The following TBC1D23 variants were observed in gnomAD, a reference collection of about 807,000 sequenced individuals.
TBC1D23 encodes the protein TBC1 domain family member 23.
A neutral mutation model predicts 91.4 loss-of-function variants in TBC1D23; 55 were observed. That is an observed-to-expected ratio of 0.60 (90% CI 0.48 to 0.75). The LOEUF (loss-of-function observed/expected upper bound fraction) is 0.75. TBC1D23 is among the 30% of genes least tolerant of loss of function. The pLI is 0.00. For synonymous variants in TBC1D23, 289 were observed against 281.0 expected, an observed-to-expected ratio of 1.03 and a Z score of -0.28; for missense variants, 725 against 836.1, an observed-to-expected ratio of 0.87 and a Z score of 1.64.
At chr3:100,301,487 C>A (rs1195126135) in intron 10 of TBC1D23, among the ~76,000 whole-genome samples, 1 of 152,138 alleles carries the variant, frequency 6.6e-6, no homozygotes, top group Admixed American at 6.5e-5. Context: ...TCTATATGAT[C>A]TGTCCATTTT....
chr3:100,268,770 T>A (rs767229454), intron 1 of TBC1D23, among the ~76,000 whole-genome samples: 1 of 152,164 alleles, frequency 6.6e-6, no homozygotes, highest in Non-Finnish European at 1.5e-5. Context: ...AAAAGTCACC[T>A]CATATGTATA....
intron 5 of TBC1D23, among the ~76,000 whole-genome samples, chr3:100,294,249 ATTTT>A (rs915815707): frequency 6.7e-6 from 1 of 149,708 alleles, no homozygotes. Context: ...AATGTTATTT[ATTTT>A]TTTTTGTGTT....
chr3:100,267,930 G>A (rs2067569925), intron 1 of TBC1D23, among the ~76,000 whole-genome samples: 1 of 152,156 alleles, frequency 6.6e-6, no homozygotes, highest in Non-Finnish European at 1.5e-5. Context: ...CATCACTTGG[G>A]GAGGCCAAGG....
intron 1 of TBC1D23, among the ~76,000 whole-genome samples, chr3:100,270,091 G>A (rs1326653831): frequency 2.6e-5 from 4 of 152,176 alleles, no homozygotes; most frequent in Non-Finnish European, 4.4e-5. Flanking sequence ...ACAGGATTTA[G>A]ATGATAGGAC....
intron 12 of TBC1D23, among the ~76,000 whole-genome samples, chr3:100,305,939 A>G (rs923822383): frequency 2.6e-5 from 4 of 152,206 alleles, no homozygotes; most frequent in African/African-American, 9.6e-5. Context: ...TTATAGTATA[A>G]CCCAGATTTT....
At chr3:100,291,435 A>G (rs1296002434) in intron 5 of TBC1D23, among the ~76,000 whole-genome samples, 1 of 152,160 alleles carries the variant, frequency 6.6e-6, no homozygotes, top group Non-Finnish European at 1.5e-5. Flanking sequence ...TACAAAAATT[A>G]GTCGGGTGTG....
intron 17 of TBC1D23, 31 bp from the exon 18 acceptor site, chr3:100,320,746 C>A (rs778461965): frequency 1.7e-5 from 23 of 1,358,224 alleles, no homozygotes; most frequent in Admixed American, 2.6e-5. Context: ...CTTAAAAATT[C>A]TTTTTCTTTT....
rs779999858 is a variant in TBC1D23, at chr3:100,297,927, A to G, written c.881A>G (p.Asn294Ser). ...TAAAAATTTCCCTTCAAACAGGATAATCACCATCTCTTTGGTAGTACTTTG... is the reference window on the plus strand; with the variant it reads ...TAAAAATTTCCCTTCAAACAGGATAGTCACCATCTCTTTGGTAGTACTTTG... ...SKTPASFRKD[N>S]HHLFGSTLLG... Residue 294 changes from asparagine to serine, a missense_variant, in exon 9 of 19, where the codon AAT becomes AGT. Physicochemically the swap from Asn to Ser is conservative, Grantham distance 46. Transcript: ENST00000394144. 2 of 1,607,952 alleles carry G rather than the reference A, an allele frequency of 1.2e-6. No individual in the cohort carries two copies. The highest frequency in any genetic ancestry group is 1.3e-5 in the African/African-American group (1 of 74,818).
At position 100,319,192 on chromosome 3, in the gene TBC1D23, A is replaced by G; in HGVS notation, c.1811A>G (p.His604Arg). The change falls in exon 17 of 19, where the codon CAC (histidine) becomes CGC (arginine). Residue 604 changes from histidine to arginine, a missense_variant. Coordinates refer to ENST00000394144, the MANE Select transcript of TBC1D23 (RefSeq NM_001199198.3). ...TGTAAAGAAGTAAAAGAAAGTGGAC[A>G]CATGTTTCCCAGGTACTTTTAAAAA... ...FPCKEVKESG[H>R]MFPSHLLVTA... 6.2e-7 allele frequency: 1 copy of G among 1,605,458 alleles called. No homozygotes were observed. Among genetic ancestry groups the G allele is most frequent in the Non-Finnish European group, 8.5e-7 (1 of 1,177,586 alleles).
intron 16 of TBC1D23, among the ~76,000 whole-genome samples, chr3:100,317,590 A>G (rs1705772655): frequency 6.6e-6 from 1 of 152,188 alleles, no homozygotes; most frequent in Non-Finnish European, 1.5e-5. Flanking sequence ...TGACATTTTA[A>G]TAGATACATG....
At chr3:100,319,628 A>G (rs1048072154) in intron 17 of TBC1D23, among the ~76,000 whole-genome samples, 10 of 151,952 alleles carry the variant, frequency 6.6e-5, no homozygotes, top group Admixed American at 1.3e-4. Flanking sequence ...GGGTTTCTCT[A>G]TGTTGGTCAG....
intron 11 of TBC1D23, among the ~76,000 whole-genome samples, chr3:100,303,709 G>T (rs1025666067): frequency 6.6e-6 from 1 of 152,156 alleles, no homozygotes; most frequent in East Asian, 1.9e-4. Context: ...GATTGAGGCT[G>T]CAGTGAGCCA....
rs141167343 is a variant in TBC1D23, at chr3:100,273,549, C to T, written c.54-6100C>T. On this transcript the variant is annotated intron_variant, in intron 1 of 18. Transcript: ENST00000394144. ...AAATTCGTATGGAACCAAAAAAGAG[C>T]CCAAATAGCCTAGGCAATCCTAAGC... 5.1e-3 allele frequency among the ~76,000 whole-genome samples: 783 copies of T among 152,238 alleles called. 11 individuals carry two copies. The highest frequency in any genetic ancestry group is 0.017 in the African/African-American group (717 of 41,544).
chr3:100,264,373 A>T (rs1390513906), intron 1 of TBC1D23, among the ~76,000 whole-genome samples: 3 of 150,696 alleles, frequency 2.0e-5, no homozygotes, highest in African/African-American at 2.5e-5. Flanking sequence ...GTCAGATGGA[A>T]TTTTTTCTAA....
rs1705847570 is a variant in TBC1D23, at chr3:100,320,963, A to G, written c.2010A>G (p.Ala670=). 6.3e-7 allele frequency: 1 copy of G among 1,592,720 alleles called. No homozygotes were observed. The highest frequency in any genetic ancestry group is 8.5e-7 in the Non-Finnish European group (1 of 1,171,868). The change falls in exon 18 of 19, where the codon GCA becomes GCG. Residue 670 remains alanine (A), a synonymous_variant. Coordinates refer to ENST00000394144, the MANE Select transcript of TBC1D23 (RefSeq NM_001199198.3). ...NSSASGIEIL[A]IERYLIPNAG... is the part of the protein sequence containing the mutation. Reference sequence around the variant, plus strand: ...GTGCTTCAGGAATAGAAATCTTGGCAATCGAAAGGTAAGATTTTCCTTAAG... The same window carrying G: ...GTGCTTCAGGAATAGAAATCTTGGCGATCGAAAGGTAAGATTTTCCTTAAG...
At chr3:100,275,553 G>A (rs1451183196) in intron 1 of TBC1D23, among the ~76,000 whole-genome samples, 2 of 151,686 alleles carry the variant, frequency 1.3e-5, no homozygotes, top group Non-Finnish European at 2.9e-5. Context: ...TGGGATTACA[G>A]GTATAAGCTA....
chr3:100,264,717 C>T (rs1389394896), intron 1 of TBC1D23, among the ~76,000 whole-genome samples: 1 of 152,154 alleles, frequency 6.6e-6, no homozygotes, highest in African/African-American at 2.4e-5. Context: ...AGCCATTGAA[C>T]TTGTTGAAAT....
Position 100,296,322 on chromosome 3 carries a change from C to T in TBC1D23, c.876+47C>T, listed in dbSNP as rs3772697. 271,023 of 1,080,026 alleles carry T rather than the reference C, an allele frequency of 0.25. 38,273 individuals carry two copies. The highest frequency in any genetic ancestry group is 0.51 in the East Asian group (21,017 of 41,334). The allele number at this position is 1,080,026 out of a possible 1,614,324, so 66.9% of individuals were successfully genotyped here. ...ACTATGTTGTATTTCATATTTTGTA[C>T]ATTGTTTTATTACTTTATATTCACT... On this transcript the variant is annotated intron_variant, in intron 8 of 18. Transcript: ENST00000394144.
chr3:100,277,943 G>T (rs1576162124), intron 1 of TBC1D23, among the ~76,000 whole-genome samples: 1 of 152,264 alleles, frequency 6.6e-6, no homozygotes, highest in East Asian at 1.9e-4. Context: ...TTCTTGTGTG[G>T]TTATTAGTTA....
Sources: gnomAD v4.1 joint callset for allele counts (sites outside exome capture counted in the v4.1 genomes callset) on GRCh38, gnomAD v4.1.1 for gene constraint, MANE v1.5 for transcripts, NCBI Gene and HGNC (gene_info 2026-07-23, HGNC 2026-07-21) for gene names.